The following TIMP1 variants were observed in gnomAD, a reference collection of about 807,000 sequenced individuals.
The protein encoded by TIMP1 is TIMP metallopeptidase inhibitor 1, also known as metalloproteinase inhibitor 1.
A neutral mutation model predicts 13.7 loss-of-function variants in TIMP1; 5 were observed. The ratio of observed to expected loss-of-function variants is 0.36; its 90% CI spans 0.19 to 0.76. TIMP1 has a LOEUF of 0.76. TIMP1 is among the 30% of genes least tolerant of loss of function. TIMP1 has a pLI of 0.51. For synonymous variants in TIMP1, 63 were observed against 67.1 expected (o/e 0.94, Z 0.30); for missense variants, 131 against 168.4 (o/e 0.78, Z 1.23).
rs140600134 is a variant in TIMP1 at position 47,585,308 on chromosome X, G to A, written c.305G>A (p.Arg102His). 170 of 1,209,797 alleles carry A rather than the reference G, an allele frequency of 1.4e-4. No individual in the cohort carries two copies. The Middle Eastern group carries it at 1.6e-3, about 11-fold the overall frequency. The change falls in exon 4 of 6, where the codon CGC (arginine) becomes CAC (histidine). Residue 102 changes from arginine (R) to histidine (H), a missense_variant. By Grantham distance (29) the Arg-to-His change is conservative (BLOSUM62 0). Coordinates refer to ENST00000218388, the MANE Select transcript of TIMP1 (RefSeq NM_003254.3). ...VCGYFHRSHN[R>H]SEEFLIAGKL... The stretch of plus-strand genomic sequence containing the variant: ...GGATACTTCCACAGGTCCCACAACC[G>A]CAGCGAGGAGTTTCTCATTGCTGGT...
At chrX:47,586,377 G>A (rs2057826433) in intron 5 of TIMP1, 144 bp from the exon 6 acceptor site, 1 of 1,081,961 alleles carries the variant, frequency 9.2e-7, no homozygotes, top group Admixed American at 3.7e-5. Context: ...CCCTCAATGG[G>A]AGGGGCTGTC....
At position 47,585,347 on chromosome X, in the gene TIMP1, C is replaced by A; in HGVS notation, c.328+16C>A. 2 of 1,211,290 alleles carry A rather than the reference C, an allele frequency of 1.7e-6. No homozygotes were observed. The highest frequency in any genetic ancestry group is 2.2e-6 in the Non-Finnish European group (2 of 895,222). ...CTCATTGCTGGTGAGGCACCGTCCC[C>A]GCGCCCTGTGCCACACCAACCAGTC... On this transcript the variant is annotated intron_variant, in intron 4 of 5. Transcript: ENST00000218388.
Position 47,585,563 on chromosome X carries a change from T to C in TIMP1, c.349T>C (p.Leu117=). The part of the protein sequence containing the change: ...LIAGKLQDGL[L]HITTCSFVAP... Reference sequence around the variant, plus strand: ...CTTAGGAAAACTGCAGGATGGACTCTTGCACATCACTACCTGCAGTTTTGT... The same window carrying C: ...CTTAGGAAAACTGCAGGATGGACTCCTGCACATCACTACCTGCAGTTTTGT... The change falls in exon 5 of 6, where the codon TTG becomes CTG. Residue 117 remains leucine (L), a synonymous_variant. Coordinates refer to ENST00000218388, the MANE Select transcript of TIMP1 (RefSeq NM_003254.3). The C allele has an allele frequency of 1.7e-6, 2 of 1,200,356 alleles. No individual in the cohort carries two copies. Among genetic ancestry groups the C allele is most frequent in the Non-Finnish European group, 1.1e-6 (1 of 889,177 alleles).
At chrX:47,586,024 C>A (rs922132254) in intron 5 of TIMP1, 1 of 987,643 alleles carries the variant, frequency 1.0e-6, no homozygotes, top group African/African-American at 2.0e-5. Flanking sequence ...CCTAATCCCA[C>A]TGACCCTTCC....
intron 3 of TIMP1, 47 bp from the exon 4 acceptor site, chrX:47,585,158 G>A: frequency 8.6e-7 from 1 of 1,167,819 alleles, no homozygotes. Flanking sequence ...ACCTGGAGTG[G>A]GAGGATTATG....
chrX:47,583,752 C>G (rs1327060295), intron 2 of TIMP1, among the ~76,000 whole-genome samples: 1 of 112,066 alleles, frequency 8.9e-6, no homozygotes, highest in Non-Finnish European at 1.9e-5. Context: ...GGTACACTTT[C>G]CCCCCAGGTA....
intron 2 of TIMP1, 37 bp downstream of exon 2, chrX:47,583,573 T>C: frequency 1.7e-6 from 2 of 1,155,805 alleles, no homozygotes; most frequent in Non-Finnish European, 2.3e-6. Flanking sequence ...ACACTCTGCC[T>C]TGGTTTCCCT....
chrX:47,582,670 C>T (rs1482714973), intron 1 of TIMP1, 196 bp downstream of exon 1: 1 of 297,637 alleles, frequency 3.4e-6, no homozygotes, highest in East Asian at 1.1e-4. Context: ...CTCCAAACTC[C>T]CTAGAACCCC....
chrX:47,586,767 A>T lies in TIMP1; in HGVS notation c.*76A>T. 9.0e-7 allele frequency: 1 copy of T among 1,113,514 alleles called. No homozygotes were observed. Among genetic ancestry groups the T allele is most frequent in the Non-Finnish European group, 1.2e-6 (1 of 831,562 alleles). The allele number at this position is 1,113,514 out of a possible 1,213,427, so 91.8% of individuals were successfully genotyped here. A position where few individuals can be genotyped will look rare whatever the true frequency, so the allele number is the denominator to read the frequency against. On this transcript the variant is annotated 3_prime_UTR_variant, in exon 6 of 6. Coordinates refer to ENST00000218388, the MANE Select transcript of TIMP1 (RefSeq NM_003254.3). The stretch of plus-strand genomic sequence containing the variant: ...ACTCCCATCTTTCTTCCGGACAATG[A>T]AATAAAGAGTTACCACCCAGCAGAC...
chrX:47,583,645 T>C, intron 2 of TIMP1, 109 bp downstream of exon 2: 1 of 910,262 alleles, frequency 1.1e-6, no homozygotes, highest in Non-Finnish European at 1.5e-6. Flanking sequence ...GCCCCTGCAC[T>C]TCCTCTGCTT....
At chrX:47,586,070 A>G in intron 5 of TIMP1, 1 of 956,715 alleles carries the variant, frequency 1.0e-6, no homozygotes, top group Non-Finnish European at 1.3e-6. Flanking sequence ...AGCTCTGACT[A>G]TTCCAGACAC....
intron 2 of TIMP1, among the ~76,000 whole-genome samples, chrX:47,584,210 T>A (rs1326438709): frequency 4.5e-5 from 5 of 110,082 alleles, no homozygotes; most frequent in Non-Finnish European, 9.5e-5. Flanking sequence ...TGATCAGGTA[T>A]TGAGGATGAT....
At chrX:47,583,118 C>T (rs544912971) in intron 1 of TIMP1, among the ~76,000 whole-genome samples, 1 of 96,538 alleles carries the variant, frequency 1.0e-5, no homozygotes, top group South Asian at 5.5e-4. Context: ...TTCCCCAATC[C>T]CCTCATTCCT....
chrX:47,583,313 C>G (rs1273807747), intron 1 of TIMP1, 95 bp from the exon 2 acceptor site: 6 of 774,096 alleles, frequency 7.8e-6, no homozygotes, highest in Admixed American at 3.0e-5. Flanking sequence ...CTAATCCCCC[C>G]CATAGGCTGC....
intron 5 of TIMP1, 140 bp from the exon 6 acceptor site, chrX:47,586,381 G>T: frequency 9.3e-7 from 1 of 1,080,808 alleles, no homozygotes; most frequent in Non-Finnish European, 1.2e-6. Context: ...CAATGGGAGG[G>T]GCTGTCCTGG....
intron 1 of TIMP1, 120 bp downstream of exon 1, chrX:47,582,594 C>T (rs2057803198): frequency 5.5e-6 from 2 of 364,800 alleles, no homozygotes. Flanking sequence ...CCTGCGGGTA[C>T]CAGGACCCTG....
In TIMP1 at chrX:47,586,774, G is replaced by C. The variant is rs1041947654; in HGVS notation, c.*83G>C. ...TCTTTCTTCCGGACAATGAAATAAA[G>C]AGTTACCACCCAGCAGACACTGTTT... On this transcript the variant is annotated 3_prime_UTR_variant, in exon 6 of 6. Transcript: ENST00000218388. 3.6e-5 allele frequency: 39 copies of C among 1,096,283 alleles called. No homozygotes were observed. The highest frequency in any genetic ancestry group is 4.6e-5 in the Non-Finnish European group (38 of 819,952). The allele number at this position is 1,096,283 out of a possible 1,213,427, so 90.3% of individuals were successfully genotyped here. A position where few individuals can be genotyped will look rare whatever the true frequency, so the allele number is the denominator to read the frequency against.
chrX:47,586,551 C>G lies in TIMP1; in HGVS notation c.484C>G (p.Leu162Val), dbSNP rs756099659. ...TCCCTGTTTATCCATCCCCTGCAAA[C>G]TGCAGAGTGGCACTCATTGCTTGTG... ...VFPCLSIPCK[L>V]QSGTHCLWTD... is the part of the protein sequence containing the mutation. Residue 162 changes from leucine (L) to valine (V), a missense_variant, in exon 6 of 6, where the codon CTG becomes GTG. By Grantham distance (32) the Leu-to-Val change is conservative (BLOSUM62 1). Transcript: ENST00000218388. 5.4e-5 allele frequency: 65 copies of G among 1,210,732 alleles called. No homozygotes were observed. The South Asian group carries it at 1.0e-3, about 19-fold the overall frequency.
intron 2 of TIMP1, among the ~76,000 whole-genome samples, chrX:47,584,213 A>C (rs2057812504): frequency 9.0e-6 from 1 of 111,195 alleles, no homozygotes; most frequent in African/African-American, 3.3e-5. Flanking sequence ...TCAGGTATTG[A>C]GGATGATCAG....
Sources: gnomAD v4.1 joint callset for allele counts (sites outside exome capture counted in the v4.1 genomes callset) on GRCh38, gnomAD v4.1.1 for gene constraint, MANE v1.5 for transcripts, NCBI Gene and HGNC (gene_info 2026-07-23, HGNC 2026-07-21) for gene names.